GALNT10: variants seen among roughly 807,000 people sequenced by gnomAD.
GALNT10 encodes polypeptide N-acetylgalactosaminyltransferase 10.
GALNT10 carries 41 observed loss-of-function variants against 75.0 expected under a neutral mutation model. The ratio of observed to expected loss-of-function variants is 0.55; its 90% confidence interval spans 0.43 to 0.71. The LOEUF (loss-of-function observed/expected upper bound fraction) is 0.71. Ranked by LOEUF, GALNT10 falls within the 30% of genes least tolerant of loss-of-function variation. The pLI is 0.00. For synonymous variants in GALNT10, 302 were observed against 313.0 expected, an observed-to-expected ratio of 0.96 and a Z score of 0.37; for missense variants, 727 against 818.5, an observed-to-expected ratio of 0.89 and a Z score of 1.36.
intron 7 of GALNT10, among the ~76,000 whole-genome samples, chr5:154,391,932 C>A (rs1755904435): frequency 6.6e-6 from 1 of 152,196 alleles, no homozygotes; most frequent in Non-Finnish European, 1.5e-5. Flanking sequence ...CTGCTGGCCC[C>A]ATGCCCATCC....
intron 1 of GALNT10, among the ~76,000 whole-genome samples, chr5:154,243,778 G>T (rs946851446): frequency 6.6e-6 from 1 of 152,142 alleles, no homozygotes; most frequent in African/African-American, 2.4e-5. Context: ...CTGTCTAAAG[G>T]CATTTCAAGA....
intron 4 of GALNT10, among the ~76,000 whole-genome samples, chr5:154,359,217 G>A (rs1755344290): frequency 6.6e-6 from 1 of 152,150 alleles, no homozygotes; most frequent in Non-Finnish European, 1.5e-5. Context: ...GCCATCCGCA[G>A]AGGCAGCTTT....
intron 1 of GALNT10, among the ~76,000 whole-genome samples, chr5:154,244,127 G>A (rs1753385265): frequency 6.6e-6 from 1 of 152,206 alleles, no homozygotes; most frequent in African/African-American, 2.4e-5. Flanking sequence ...GGGATGAGAA[G>A]GCTCATTTTC....
At position 154,416,054 on chromosome 5, in the gene GALNT10, G is replaced by A; in HGVS notation, c.1653+122G>A. 1 of 880,804 alleles carries A rather than the reference G, an allele frequency of 1.1e-6. No homozygotes were observed. The highest frequency in any genetic ancestry group is 1.7e-6 in the Non-Finnish European group (1 of 576,540). 54.6% of individuals were successfully genotyped at this position (880,804 alleles called of 1,614,324 possible). On this transcript the variant is annotated intron_variant, in intron 11 of 11. Transcript: ENST00000297107. This position sits in a 1 kb window ranked among gnomAD's most constrained non-coding sequence, Gnocchi z 4.5. ...TTCATTTGTGCCACAAACCTACCATGCCGGATTTTGTAGTCATTCAAGAGT... is the reference window on the plus strand; with the variant it reads ...TTCATTTGTGCCACAAACCTACCATACCGGATTTTGTAGTCATTCAAGAGT...
chr5:154,335,193 A>G (rs1023854880), intron 4 of GALNT10, among the ~76,000 whole-genome samples: 7 of 151,888 alleles, frequency 4.6e-5, no homozygotes, highest in Non-Finnish European at 1.0e-4. Context: ...ATCTGTTCTG[A>G]TTTATCAAAG....
intron 1 of GALNT10, among the ~76,000 whole-genome samples, chr5:154,267,529 G>T (rs1175237376): frequency 1.3e-5 from 2 of 152,204 alleles, no homozygotes; most frequent in Non-Finnish European, 2.9e-5. Flanking sequence ...TTCCCTGTCT[G>T]CCCTAGGGCC....
chr5:154,367,165 T>C (rs931751223), intron 4 of GALNT10, among the ~76,000 whole-genome samples: 1 of 152,202 alleles, frequency 6.6e-6, no homozygotes, highest in Non-Finnish European at 1.5e-5. Context: ...GTGTGTATAC[T>C]TTTGTATATA....
intron 1 of GALNT10, among the ~76,000 whole-genome samples, chr5:154,250,962 T>C (rs1198246853): frequency 6.6e-6 from 1 of 152,188 alleles, no homozygotes; most frequent in Non-Finnish European, 1.5e-5. Flanking sequence ...ATGATCCCTG[T>C]CTCAACACAA....
At chr5:154,345,135 C>T (rs1015854472) in intron 4 of GALNT10, among the ~76,000 whole-genome samples, 2 of 152,130 alleles carry the variant, frequency 1.3e-5, no homozygotes, top group African/African-American at 4.8e-5. Context: ...TGCATCAAAA[C>T]TCATCCTCCC....
intron 1 of GALNT10, among the ~76,000 whole-genome samples, chr5:154,271,151 G>T (rs970538284): frequency 6.6e-6 from 1 of 152,102 alleles, no homozygotes; most frequent in Middle Eastern, 3.2e-3. Flanking sequence ...TGAGGCTGGG[G>T]CTGTATGTAG....
chr5:154,306,466 T>C (rs1237773199), intron 3 of GALNT10, among the ~76,000 whole-genome samples: 1 of 152,170 alleles, frequency 6.6e-6, no homozygotes, highest in African/African-American at 2.4e-5. Flanking sequence ...AATTAGAAAG[T>C]ATTATTAACT....
At chr5:154,340,036 A>G (rs906724879) in intron 4 of GALNT10, among the ~76,000 whole-genome samples, 5 of 152,226 alleles carry the variant, frequency 3.3e-5, no homozygotes, top group Admixed American at 3.3e-4. Flanking sequence ...TAAAAGTATT[A>G]GGTTGGTGCA....
intron 3 of GALNT10, among the ~76,000 whole-genome samples, chr5:154,309,008 G>T (rs183111165): frequency 6.6e-6 from 1 of 152,196 alleles, no homozygotes; most frequent in African/African-American, 2.4e-5. Context: ...ACAAATAAAT[G>T]GATTGATTTT....
intron 7 of GALNT10, chr5:154,387,100 C>T (rs1755818941): frequency 6.6e-6 from 1 of 152,202 alleles, no homozygotes; most frequent in Non-Finnish European, 1.5e-5. Context: ...GGGAACATGA[C>T]CAGCAATTAA....
At chr5:154,389,336 G>A (rs371567258) in intron 7 of GALNT10, 4 of 151,508 alleles carry the variant, frequency 2.6e-5, no homozygotes, top group Non-Finnish European at 5.9e-5. Flanking sequence ...CCATAATTCT[G>A]GTTATCATGT....
chr5:154,263,621 A>T (rs1753733721), intron 1 of GALNT10, among the ~76,000 whole-genome samples: 1 of 152,184 alleles, frequency 6.6e-6, no homozygotes, highest in Admixed American at 6.6e-5. Flanking sequence ...GAAGTCCAGG[A>T]GCAAGGCAGT....
Position 154,352,969 on chromosome 5 carries a change from C to G in GALNT10, c.568+23231C>G, listed in dbSNP as rs898651082. Among the ~76,000 whole-genome samples the G allele has an allele frequency of 2.0e-5, 3 of 152,130 alleles. No individual in the cohort carries two copies. The highest frequency in any genetic ancestry group is 2.9e-5 in the Non-Finnish European group (2 of 68,026). On this transcript the variant is annotated intron_variant, in intron 4 of 11. Coordinates refer to ENST00000297107, the MANE Select transcript of GALNT10 (RefSeq NM_198321.4). This position sits in a 1 kb window ranked among gnomAD's most constrained non-coding sequence, Gnocchi z 4.4. Reference sequence around the variant, plus strand: ...GTGTCATCCGAAGGTGAACTTGGATCCAGGAATCCTCACCAGCTCTGACCT... The same window carrying G: ...GTGTCATCCGAAGGTGAACTTGGATGCAGGAATCCTCACCAGCTCTGACCT...
chr5:154,397,891 G>A (rs765657289), intron 7 of GALNT10, among the ~76,000 whole-genome samples: 10 of 152,046 alleles, frequency 6.6e-5, no homozygotes, highest in Non-Finnish European at 1.3e-4. Context: ...CTTCCACTGC[G>A]CCCTTCTTTC....
chr5:154,403,882 T>G, intron 7 of GALNT10: 1 of 617,312 alleles, frequency 1.6e-6, no homozygotes, highest in Non-Finnish European at 3.0e-6. Flanking sequence ...CATGTGACCA[T>G]CTTAGCATAG....
Sources: allele counts gnomAD v4.1 joint callset (sites outside exome capture counted in the v4.1 genomes callset), GRCh38; gene constraint gnomAD v4.1.1; non-coding constraint Gnocchi (gnomAD v3.1); transcripts MANE v1.5; gene names NCBI Gene and HGNC (gene_info 2026-07-23, HGNC 2026-07-21).